NAV3: variants seen among roughly 807,000 people sequenced by gnomAD.
The protein encoded by NAV3 is neuron navigator 3.
Under a neutral mutation model 244.7 loss-of-function variants are expected in NAV3, and 87 were observed. The observed-to-expected ratio is 0.36, with a 90% CI of 0.30 to 0.42. The LOEUF is 0.42. Among genes scored for constraint, NAV3 ranks in the 20% least tolerant of loss-of-function variants. The pLI, the probability that NAV3 is intolerant of heterozygous loss-of-function variation, is 1.00. For missense variants in NAV3, 2,663 were observed against 2,893.3 expected, an observed-to-expected ratio of 0.92 and a Z score of 1.83; for synonymous variants, 1,126 against 1,042.2, an observed-to-expected ratio of 1.08 and a Z score of -1.55.
At chr12:77,635,981 A>G (rs1045139472) in intron 2 of NAV3, among the ~76,000 whole-genome samples, 4 of 152,234 alleles carry the variant, frequency 2.6e-5, no homozygotes, top group Admixed American at 2.0e-4. Context: ...TTCTTTAAAA[A>G]CATTCAACCA....
At chr12:78,050,135 A>G in intron 10 of NAV3, 34 bp downstream of exon 10, 1 of 1,434,526 alleles carries the variant, frequency 7.0e-7, no homozygotes, top group Non-Finnish European at 9.7e-7. Context: ...TTGAGCCAAT[A>G]AAGAAAAAAT....
intron 1 of NAV3, among the ~76,000 whole-genome samples, chr12:77,904,987 G>T (rs1885806658): frequency 1.3e-5 from 2 of 151,958 alleles, no homozygotes; most frequent in African/African-American, 4.8e-5. Flanking sequence ...TTTGAAATGA[G>T]TATGTATTCA....
chr12:77,832,340 C>T (rs1163595011), intron 1 of NAV3, among the ~76,000 whole-genome samples: 1 of 152,124 alleles, frequency 6.6e-6, no homozygotes. Flanking sequence ...GCTCATAGCC[C>T]TTGGTTTCTA....
chr12:78,065,278 TA>T (rs1294152653), intron 12 of NAV3, among the ~76,000 whole-genome samples: 1 of 152,134 alleles, frequency 6.6e-6, no homozygotes, highest in Non-Finnish European at 1.5e-5. Flanking sequence ...AGCACAAATC[TA>T]AAGTCAGCTT....
At chr12:77,881,898 A>G (rs982929586) in intron 1 of NAV3, among the ~76,000 whole-genome samples, 2 of 152,166 alleles carry the variant, frequency 1.3e-5, no homozygotes, top group African/African-American at 4.8e-5. Context: ...AAGGATAACT[A>G]CAAAACACTG....
chr12:78,191,466 C>T (rs552075558), intron 34 of NAV3, among the ~76,000 whole-genome samples: 3 of 152,128 alleles, frequency 2.0e-5, no homozygotes, highest in Admixed American at 1.3e-4. Context: ...CACACACACA[C>T]ACATCTTTGT....
intron 30 of NAV3, among the ~76,000 whole-genome samples, chr12:78,182,235 C>A (rs989519535): frequency 1.3e-5 from 2 of 152,036 alleles, no homozygotes; most frequent in African/African-American, 2.4e-5. Context: ...TATCCACACT[C>A]AACAAAATAT....
chr12:77,685,583 T>C (rs1209310808), intron 2 of NAV3, among the ~76,000 whole-genome samples: 1 of 152,090 alleles, frequency 6.6e-6, no homozygotes. Context: ...CTTTCATATC[T>C]AATTACCAAT....
At chr12:77,622,931 A>C (rs779742810) in intron 2 of NAV3, among the ~76,000 whole-genome samples, 70 of 152,186 alleles carry the variant, frequency 4.6e-4, no homozygotes, top group Admixed American at 1.1e-3. Context: ...TAAAATGCAT[A>C]TTTGTATGTG....
chr12:77,999,269 G>C (rs894088499), intron 7 of NAV3, among the ~76,000 whole-genome samples: 1 of 152,146 alleles, frequency 6.6e-6, no homozygotes, highest in Non-Finnish European at 1.5e-5. Context: ...TGTTCTGCTG[G>C]ATTTTGAGGA....
intron 1 of NAV3, among the ~76,000 whole-genome samples, chr12:77,875,425 G>A (rs998410139): frequency 6.6e-6 from 1 of 151,830 alleles, no homozygotes; most frequent in Non-Finnish European, 1.5e-5. Context: ...GTTCTTTATT[G>A]TATTTAATGC....
At chr12:77,825,018 A>G (rs2136043872) in intron 2 of NAV3, among the ~76,000 whole-genome samples, 1 of 152,358 alleles carries the variant, frequency 6.6e-6, no homozygotes. Flanking sequence ...CAAAGATCAG[A>G]CATGTGATGG....
chr12:78,070,140 C>T (rs978786811), intron 12 of NAV3, among the ~76,000 whole-genome samples: 1 of 152,098 alleles, frequency 6.6e-6, no homozygotes, highest in African/African-American at 2.4e-5. Flanking sequence ...GCCACATCTA[C>T]CTGACTGTTC....
intron 2 of NAV3, among the ~76,000 whole-genome samples, chr12:77,743,211 A>G (rs1420411959): frequency 4.6e-5 from 7 of 151,990 alleles, no homozygotes; most frequent in Non-Finnish European, 1.0e-4. Context: ...TTACCTTAGC[A>G]TAAGAATACA....
intron 11 of NAV3, 100 bp downstream of exon 11, chr12:78,051,247 A>G: frequency 7.9e-7 from 1 of 1,272,924 alleles, no homozygotes; most frequent in Non-Finnish European, 1.1e-6. Flanking sequence ...CCAGAAAGTC[A>G]TGAGAACATA....
At chr12:77,768,692 T>A (rs1520737) in intron 2 of NAV3, among the ~76,000 whole-genome samples, 1 of 152,168 alleles carries the variant, frequency 6.6e-6, no homozygotes, top group Non-Finnish European at 1.5e-5. Context: ...AGGAGTACAG[T>A]TGCCTAGATC....
Position 78,197,300 on chromosome 12 carries a change from T to A in NAV3, c.6345T>A (p.Asn2115Lys), listed in dbSNP as rs1959190454. The A allele has an allele frequency of 8.1e-6, 13 of 1,609,136 alleles. No individual in the cohort carries two copies. The highest frequency in any genetic ancestry group is 1.0e-5 in the Non-Finnish European group (12 of 1,177,060). ...NLAEQCSADN[N>K]GVELPVVIIL... ...CTGAACAGTGCAGTGCTGATAATAATGGAGTGGAGCTCCCAGTTGTAATAA... is the reference window on the plus strand; with the variant it reads ...CTGAACAGTGCAGTGCTGATAATAAAGGAGTGGAGCTCCCAGTTGTAATAA... The change falls in exon 35 of 40, where the codon AAT (asparagine) becomes AAA (lysine). Residue 2115 changes from asparagine to lysine, a missense_variant. By Grantham distance (94) the Asn-to-Lys change is moderately conservative. This residue lies in a region of NAV3 where 543 missense variants were observed against 672.4 expected (regional missense o/e 0.81). Transcript: ENST00000397909.
At chr12:78,123,545 A>G (rs935047506) in intron 16 of NAV3, among the ~76,000 whole-genome samples, 1 of 152,162 alleles carries the variant, frequency 6.6e-6, no homozygotes, top group African/African-American at 2.4e-5. Flanking sequence ...GTAAAAACAA[A>G]ACCCAGAGCA....
chr12:78,035,129 G>A (rs1054839620), intron 9 of NAV3, among the ~76,000 whole-genome samples: 1 of 152,152 alleles, frequency 6.6e-6, no homozygotes, highest in Admixed American at 6.6e-5. Context: ...TATGTGTAAA[G>A]TTATAGGCAA....
Sources: allele counts gnomAD v4.1 joint callset (sites outside exome capture counted in the v4.1 genomes callset), GRCh38; gene constraint gnomAD v4.1.1; regional missense constraint gnomAD v4.1.1; transcripts MANE v1.5; gene names NCBI Gene and HGNC (gene_info 2026-07-23, HGNC 2026-07-21).